Variants in ORC1 observed in about 807,000 individuals in gnomAD.
The protein encoded by ORC1 is origin recognition complex subunit 1, also known as origin recognition complex, subunit 1 homolog.
In ORC1, 61 loss-of-function variants were observed where a neutral mutation model predicts 98.9. The ratio of observed to expected loss-of-function variants is 0.62; its 90% CI spans 0.50 to 0.76. ORC1 has a LOEUF of 0.76. Among genes scored for constraint, ORC1 ranks in the 30% least tolerant of loss-of-function variants. The pLI is 0.00. For missense variants in ORC1, 979 were observed against 1,072.2 expected, an observed-to-expected ratio of 0.91 and a Z score of 1.21; for synonymous variants, 385 against 406.9, an observed-to-expected ratio of 0.95 and a Z score of 0.65.
chr1:52,391,800 A>G (rs1647217069), intron 6 of ORC1, among the ~76,000 whole-genome samples: 1 of 151,656 alleles, frequency 6.6e-6, no homozygotes, highest in South Asian at 2.1e-4. Flanking sequence ...CAGGAGGTTG[A>G]GGCAGGAGAA....
At chr1:52,386,010 C>G in intron 8 of ORC1, 61 bp from the exon 9 acceptor site, 2 of 1,190,036 alleles carry the variant, frequency 1.7e-6, no homozygotes, top group South Asian at 2.5e-5. Flanking sequence ...CCAGGACACA[C>G]CAGCAAATGT....
intron 16 of ORC1, 115 bp from the exon 17 acceptor site, chr1:52,373,490 C>T (rs1646960059): frequency 1.2e-6 from 1 of 853,718 alleles, no homozygotes; most frequent in Non-Finnish European, 1.9e-6. Context: ...ATATCAAACA[C>T]TCCAGAAGGC....
chr1:52,392,318 T>A (rs1343413963), intron 6 of ORC1, among the ~76,000 whole-genome samples: 1 of 151,986 alleles, frequency 6.6e-6, no homozygotes, highest in African/African-American at 2.4e-5. Context: ...TTAGTAGAGA[T>A]AGGGTTTCAC....
chr1:52,373,254 C>G lies in ORC1; in HGVS notation c.2513G>C (p.Arg838Thr), dbSNP rs369189050. 7.5e-5 allele frequency: 121 copies of G among 1,614,110 alleles called. No homozygotes were observed. The highest frequency in any genetic ancestry group is 9.8e-5 in the Non-Finnish European group (116 of 1,180,054). ...SCRLLLVEPS[R>T]NDLLLRVRLN... ...CCGCACCCGAAGGAGCAGATCGTTC[C>G]TGCTGGGCTCCACAAGCAGGAGGCG... The change falls in exon 17 of 17, where the codon AGG (arginine) becomes ACG (threonine). Residue 838 changes from arginine (R) to threonine (T), a missense_variant. Transcript: ENST00000371568.
chr1:52,401,009 C>A (rs1296671713), intron 3 of ORC1, among the ~76,000 whole-genome samples: 1 of 152,114 alleles, frequency 6.6e-6, no homozygotes. Flanking sequence ...AACCTTCATG[C>A]CAAAACTAAA....
In ORC1 at chr1:52,401,265, T is replaced by A. The variant is rs1336980622; in HGVS notation, c.223+97A>T. 4 of 1,470,288 alleles carry A rather than the reference T, an allele frequency of 2.7e-6. No individual in the cohort carries two copies. In the Admixed American group the frequency reaches 6.7e-5, roughly 25 times the overall value. The allele number at this position is 1,470,288 out of a possible 1,614,324, so 91.1% of individuals were successfully genotyped here. A position where few individuals can be genotyped will look rare whatever the true frequency, so the allele number is the denominator to read the frequency against. On this transcript the variant is annotated intron_variant, in intron 3 of 16. Coordinates refer to ENST00000371568, the MANE Select transcript of ORC1 (RefSeq NM_004153.4). ...TACGTGATCCCACCTCAGTCTAATG[T>A]GCCCTGCACACTGCTGTGAACAAAA... is the stretch of plus-strand genomic sequence containing the variant.
intron 6 of ORC1, among the ~76,000 whole-genome samples, chr1:52,390,525 G>A (rs762803266): frequency 1.3e-5 from 2 of 152,206 alleles, no homozygotes; most frequent in Non-Finnish European, 2.9e-5. Context: ...GGCCGGCCAT[G>A]GTGGCTCACG....
chr1:52,402,295 A>G, intron 1 of ORC1, 67 bp from the exon 2 acceptor site: 1 of 1,177,740 alleles, frequency 8.5e-7, no homozygotes, highest in Admixed American at 1.7e-5. Context: ...GGATTCTAAG[A>G]CATAGTCAGT....
chr1:52,378,171 C>A (rs1369494273), intron 14 of ORC1, among the ~76,000 whole-genome samples: 1 of 151,730 alleles, frequency 6.6e-6, no homozygotes, highest in Admixed American at 6.6e-5. Context: ...ATGGTGAAAC[C>A]CCGTCTCTAC....
rs139714078 is a variant in ORC1, at chr1:52,373,304, G to A, written c.2463C>T (p.Ala821=). The change falls in exon 17 of 17, where the codon GCC becomes GCT. Residue 821 remains alanine (A), a synonymous_variant. Coordinates refer to ENST00000371568, the MANE Select transcript of ORC1 (RefSeq NM_004153.4). ...LPYPTMSETM[A]VCSHLGSCRL... ...GACAGGAGCCCAGGTGAGAACACAC[G>A]GCCATGGTCTCTGACATGGTGGGGT... 46 of 1,614,062 alleles carry A rather than the reference G, an allele frequency of 2.8e-5. No homozygotes were observed. Among genetic ancestry groups the A allele is most frequent in the African/African-American group, 2.5e-4 (19 of 74,930 alleles).
chr1:52,408,508 T>G (rs780164273), upstream of ORC1: 9 of 1,610,100 alleles, frequency 5.6e-6, no homozygotes, highest in African/African-American at 1.2e-4. Flanking sequence ...TGAGAACAGC[T>G]AGTTGTAAAA....
At chr1:52,377,431 C>T (rs773261623) in intron 14 of ORC1, among the ~76,000 whole-genome samples, 5 of 152,048 alleles carry the variant, frequency 3.3e-5, no homozygotes, top group Non-Finnish European at 7.4e-5. Flanking sequence ...CATGCCATCG[C>T]ATTGGGCTAA....
At chr1:52,398,968 C>A (rs1309790995) in intron 3 of ORC1, among the ~76,000 whole-genome samples, 1 of 152,222 alleles carries the variant, frequency 6.6e-6, no homozygotes, top group East Asian at 1.9e-4. Flanking sequence ...TGACGGGGGA[C>A]CTTAAAGAGT....
chr1:52,402,604 C>T (rs1188676409), intron 1 of ORC1, among the ~76,000 whole-genome samples: 1 of 152,210 alleles, frequency 6.6e-6, no homozygotes, highest in African/African-American at 2.4e-5. Flanking sequence ...TTGTAAATGT[C>T]TTCATGACGC....
rs186572962 is a variant in ORC1, at chr1:52,398,059, G to A, written c.224-196C>T. 5.2e-4 allele frequency among the ~76,000 whole-genome samples: 79 copies of A among 152,106 alleles called. No individual in the cohort carries two copies. In the East Asian group the frequency reaches 0.015, roughly 29 times the overall value. Reference sequence around the variant, plus strand: ...GCTCACTGCAACCTCTGCCTCCTGGGTTAAAGTGATTCTGCTGCCTCAGCC... The same window carrying A: ...GCTCACTGCAACCTCTGCCTCCTGGATTAAAGTGATTCTGCTGCCTCAGCC... On this transcript the variant is annotated intron_variant, in intron 3 of 16. Coordinates refer to ENST00000371568, the MANE Select transcript of ORC1 (RefSeq NM_004153.4).
chr1:52,399,734 G>A (rs973255317), intron 3 of ORC1, among the ~76,000 whole-genome samples: 5 of 151,946 alleles, frequency 3.3e-5, no homozygotes, highest in Non-Finnish European at 5.9e-5. Flanking sequence ...CTTGAACCCA[G>A]GAGGTTGAGG....
chr1:52,377,324 G>A (rs1477005287), intron 14 of ORC1, among the ~76,000 whole-genome samples: 1 of 152,096 alleles, frequency 6.6e-6, no homozygotes, highest in African/African-American at 2.4e-5. Flanking sequence ...ACCCAGGCTG[G>A]AGTGCAGTGG....
chr1:52,389,089 A>C, intron 7 of ORC1, 128 bp downstream of exon 7: 2 of 764,514 alleles, frequency 2.6e-6, no homozygotes, highest in Non-Finnish European at 2.3e-6. Flanking sequence ...ACATAATTCC[A>C]GACATGCTAG....
Position 52,373,295 on chromosome 1 carries a change from A to G in ORC1, c.2472T>C (p.Ser824=). Reference sequence around the variant, plus strand: ...GCAGGAGGCGACAGGAGCCCAGGTGAGAACACACGGCCATGGTCTCTGACA... The same window carrying G: ...GCAGGAGGCGACAGGAGCCCAGGTGGGAACACACGGCCATGGTCTCTGACA... ...PTMSETMAVC[S]HLGSCRLLLV... Residue 824 remains serine (S), a synonymous_variant, in exon 17 of 17, where the codon TCT becomes TCC. Coordinates refer to ENST00000371568, the MANE Select transcript of ORC1 (RefSeq NM_004153.4). The G allele has an allele frequency of 6.2e-7, 1 of 1,614,202 alleles. No homozygotes were observed. The highest frequency in any genetic ancestry group is 8.5e-7 in the Non-Finnish European group (1 of 1,180,038).
Sources: gnomAD v4.1 joint callset for allele counts (sites outside exome capture counted in the v4.1 genomes callset) on GRCh38, gnomAD v4.1.1 for gene constraint, MANE v1.5 for transcripts, NCBI Gene and HGNC (gene_info 2026-07-23, HGNC 2026-07-21) for gene names.